Variants in PRAMEF14 observed in about 807,000 individuals in gnomAD.
The protein encoded by PRAMEF14 is PRAME family member 14.
Under a neutral mutation model 38.3 loss-of-function variants are expected in PRAMEF14, and 24 were observed. The observed-to-expected ratio is 0.63, with a 90% CI of 0.45 to 0.88. The LOEUF is 0.88. Ranked by LOEUF, PRAMEF14 falls within the 40% of genes least tolerant of loss-of-function variation. The probability of loss-of-function intolerance (pLI) is 0.00; values close to 1 mark genes in which losing one functional copy is unlikely to be tolerated. For synonymous variants in PRAMEF14, 194 were observed against 226.4 expected, an observed-to-expected ratio of 0.86 and a Z score of 1.29; for missense variants, 477 against 570.8, an observed-to-expected ratio of 0.84 and a Z score of 1.67.
In PRAMEF14 at chr1:13,342,384, T is replaced by G. The variant is rs1174188819; in HGVS notation, c.*144A>C. On this transcript the variant is annotated 3_prime_UTR_variant, in exon 4 of 4. Transcript: ENST00000334600. ...AACACAGAGAAACCCTGTCTCAAAT[T>G]GTCTTTAATAAAAATTTTGGAATTA... 4 of 1,321,760 alleles carry G rather than the reference T, an allele frequency of 3.0e-6. No individual in the cohort carries two copies. Among genetic ancestry groups the G allele is most frequent in the Non-Finnish European group, 4.0e-6 (4 of 994,748 alleles). The allele number at this position is 1,321,760 out of a possible 1,614,324, so 81.9% of individuals were successfully genotyped here. A position where few individuals can be genotyped will look rare whatever the true frequency, so the allele number is the denominator to read the frequency against.
intron 3 of PRAMEF14, 81 bp from the exon 4 acceptor site, chr1:13,343,167 TCAAA>T (rs1640354292): frequency 1.0e-6 from 1 of 987,276 alleles, no homozygotes; most frequent in South Asian, 1.6e-5. Flanking sequence ...AATGCCTGCG[TCAAA>T]CAAACACAAG....
intron 1 of PRAMEF14, among the ~76,000 whole-genome samples, chr1:13,346,241 C>T (rs1349219390): frequency 3.3e-5 from 5 of 151,300 alleles, no homozygotes; most frequent in African/African-American, 9.7e-5. Context: ...GGCGCGGTGG[C>T]TCACTCCTGT....
In PRAMEF14 at chr1:13,343,811, C is replaced by G. The variant is rs1261310133; in HGVS notation, c.866+227G>C. 76 of 1,472,914 alleles carry G rather than the reference C, an allele frequency of 5.2e-5. 3 individuals are homozygous for G. The Admixed American group carries it at 1.1e-3, about 22-fold the overall frequency. The allele number at this position is 1,472,914 out of a possible 1,614,324, so 91.2% of individuals were successfully genotyped here. ...CCACTAACTAGCTTGTACATGATGT[C>G]TCTCTCTAGCTTCTACCCCAGGTGA... On this transcript the variant is annotated intron_variant, in intron 3 of 3. Coordinates refer to ENST00000334600, the MANE Select transcript of PRAMEF14 (RefSeq NM_001024661.2).
rs760260206 is a variant in PRAMEF14 at position 13,342,790 on chromosome 1, C to A, written c.1163G>T (p.Cys388Phe). 1.2e-5 allele frequency: 20 copies of A among 1,604,534 alleles called. 1 individual carries two copies. In the Middle Eastern group the frequency reaches 9.0e-4, roughly 72 times the overall value. Residue 388 changes from cysteine (C) to phenylalanine (F), a missense_variant, in exon 4 of 4, where the codon TGT (cysteine) becomes TTT (phenylalanine). Physicochemically the swap from Cys to Phe is radical, Grantham distance 205. This residue lies in a region of PRAMEF14 where 151 missense variants were observed against 137.4 expected (regional missense o/e 1.10). Coordinates refer to ENST00000334600, the MANE Select transcript of PRAMEF14 (RefSeq NM_001024661.2). ...GTCCTTCAGGGCACCCATAGACATACAATTTCTGCCAAAGTAGAAGGTGGT... is the reference window on the plus strand; with the variant it reads ...GTCCTTCAGGGCACCCATAGACATAAAATTTCTGCCAAAGTAGAAGGTGGT... ...QLTTFYFGRN[C>F]MSMGALKDLL...
intron 1 of PRAMEF14, among the ~76,000 whole-genome samples, chr1:13,346,641 G>A (rs2100355520): frequency 6.7e-6 from 1 of 148,458 alleles, no homozygotes. Flanking sequence ...TAAATCCCAT[G>A]ATCTGAGCAA....
chr1:13,344,705 C>T (rs1197915460), intron 2 of PRAMEF14, 89 bp from the exon 3 acceptor site: 17 of 1,561,078 alleles, frequency 1.1e-5, no homozygotes, highest in Non-Finnish European at 1.5e-5. Context: ...TCAGCTGCTC[C>T]TGTCCTCAGT....
In PRAMEF14 at chr1:13,347,096, G is replaced by C. The variant is rs1211469464; in HGVS notation, c.-65C>G. 6.7e-6 allele frequency: 1 copy of C among 150,142 alleles called. No homozygotes were observed. 9.3% of individuals were successfully genotyped at this position (150,142 alleles called of 1,614,324 possible). ...CTTTGCAGAGTTCTGGGACCTCTCA[G>C]GGAACCAAGCAGTAGCTCCAGGAAT... On this transcript the variant is annotated 5_prime_UTR_variant, in exon 1 of 4. Coordinates refer to ENST00000334600, the MANE Select transcript of PRAMEF14 (RefSeq NM_001024661.2).
In PRAMEF14 at chr1:13,344,111, T is replaced by A. The variant is rs1553125500; in HGVS notation, c.793A>T (p.Arg265Trp). The stretch of plus-strand genomic sequence containing the variant: ...TTAAGCAACTGGAGGTGTTCCAGCC[T>A]GAGGAACACAGAGCTGAATTTGGTG... ...LVTKFSSVFLRLEHLQLLKIK... is the reference protein window; with the variant it reads ...LVTKFSSVFLWLEHLQLLKIK... Residue 265 changes from arginine to tryptophan, a missense_variant, in exon 3 of 4, where the codon AGG becomes TGG. Coordinates refer to ENST00000334600, the MANE Select transcript of PRAMEF14 (RefSeq NM_001024661.2). 3 of 1,600,838 alleles carry A rather than the reference T, an allele frequency of 1.9e-6. No individual in the cohort carries two copies. Among genetic ancestry groups the A allele is most frequent in the Non-Finnish European group, 2.6e-6 (3 of 1,173,602 alleles).
rs1225279438 is a variant in PRAMEF14, at chr1:13,345,376, T to A, written c.-25-37A>T. On this transcript the variant is annotated intron_variant, in intron 1 of 3. Transcript: ENST00000334600. ...ATCCAGGGAAAATGTATCACTCTCATGGCAAACACAATCATCTGCTTCTAC... is the reference window on the plus strand; with the variant it reads ...ATCCAGGGAAAATGTATCACTCTCAAGGCAAACACAATCATCTGCTTCTAC... 171 of 1,568,990 alleles carry A rather than the reference T, an allele frequency of 1.1e-4. 30 individuals are homozygous for A. In the East Asian group the frequency reaches 4.1e-3, roughly 38 times the overall value.
rs1186154609 is a variant in PRAMEF14 at position 13,346,896 on chromosome 1, T to A, written c.-26+161A>T. On this transcript the variant is annotated intron_variant, in intron 1 of 3. Transcript: ENST00000334600. ...TAAGCACAAATCACAATTTGATGGA[T>A]GAAGACAAAACTACATTTAGAGGAA... Among the ~76,000 whole-genome samples, 5 of 150,266 alleles carry A rather than the reference T, an allele frequency of 3.3e-5. 2 individuals carry two copies. In the East Asian group the frequency reaches 1.1e-3, roughly 32 times the overall value.
In PRAMEF14 at chr1:13,345,484, C is replaced by T. The variant is rs1273044900; in HGVS notation, c.-25-145G>A. The T allele has an allele frequency of 4.8e-5, 62 of 1,279,730 alleles. 1 individual carries two copies. The highest frequency in any genetic ancestry group is 6.3e-5 in the Non-Finnish European group (59 of 937,866). The allele number at this position is 1,279,730 out of a possible 1,614,324, so 79.3% of individuals were successfully genotyped here. A position where few individuals can be genotyped will look rare whatever the true frequency, so the allele number is the denominator to read the frequency against. ...GGCTTATTAATTTTCATCCTTCATT[C>T]CACTGAATCCCAGAACCACCGGACA... On this transcript the variant is annotated intron_variant, in intron 1 of 3. Transcript: ENST00000334600.
chr1:13,345,017 G>A lies in PRAMEF14; in HGVS notation c.287+11C>T. 6.8e-7 allele frequency: 1 copy of A among 1,478,920 alleles called. No individual in the cohort carries two copies. The highest frequency in any genetic ancestry group is 9.2e-7 in the Non-Finnish European group (1 of 1,084,022). 91.6% of individuals were successfully genotyped at this position (1,478,920 alleles called of 1,614,324 possible). ...TGAGCCCTATCTACCAGCCCTCCTG[G>A]GTCACCTCACCTGGGGCGATCCTTC... is the stretch of plus-strand genomic sequence containing the variant. On this transcript the variant is annotated intron_variant, in intron 2 of 3. Coordinates refer to ENST00000334600, the MANE Select transcript of PRAMEF14 (RefSeq NM_001024661.2).
chr1:13,341,997 T>C lies in PRAMEF14; in HGVS notation c.*531A>G, dbSNP rs2100348867. 1 of 157,894 alleles carries C rather than the reference T, an allele frequency of 6.3e-6. No homozygotes were observed. The highest frequency in any genetic ancestry group is 1.9e-4 in the East Asian group (1 of 5,146). 9.8% of individuals were successfully genotyped at this position (157,894 alleles called of 1,614,324 possible). A position where few individuals can be genotyped will look rare whatever the true frequency, so the allele number is the denominator to read the frequency against. On this transcript the variant is annotated 3_prime_UTR_variant, in exon 4 of 4. Transcript: ENST00000334600. The stretch of plus-strand genomic sequence containing the variant: ...TTCCATCAGTAACTCAATAACTAGA[T>C]ATTTCTGGTGGATAAATTGCTACAA...
chr1:13,347,118 G>A lies in PRAMEF14; in HGVS notation c.-87C>T, dbSNP rs1640413229. On this transcript the variant is annotated 5_prime_UTR_variant, in exon 1 of 4. Coordinates refer to ENST00000334600, the MANE Select transcript of PRAMEF14 (RefSeq NM_001024661.2). ...TCAGGGAACCAAGCAGTAGCTCCAG[G>A]AATGAGTGCTGTGGGTCTCTTCTGG... The A allele has an allele frequency of 6.7e-6, 1 of 150,066 alleles. No individual in the cohort carries two copies. The highest frequency in any genetic ancestry group is 1.5e-5 in the Non-Finnish European group (1 of 67,546). 9.3% of individuals were successfully genotyped at this position (150,066 alleles called of 1,614,324 possible). A position where few individuals can be genotyped will look rare whatever the true frequency, so the allele number is the denominator to read the frequency against.
In PRAMEF14 at chr1:13,342,223, C is replaced by A. The variant is rs1553125277; in HGVS notation, c.*305G>T. ...CCTGCTGTTATGTTTTTTTCCCTCA[C>A]ACTGAGCACTTCCCTGTGCTTCCTT... On this transcript the variant is annotated 3_prime_UTR_variant, in exon 4 of 4. Coordinates refer to ENST00000334600, the MANE Select transcript of PRAMEF14 (RefSeq NM_001024661.2). 2.6e-4 allele frequency: 119 copies of A among 452,752 alleles called. 1 individual carries two copies. In the East Asian group the frequency reaches 4.7e-3, roughly 18 times the overall value. The allele number at this position is 452,752 out of a possible 1,614,324, so 28.0% of individuals were successfully genotyped here.
In PRAMEF14 at chr1:13,345,366, A is replaced by T. The variant is rs3951381; in HGVS notation, c.-25-27T>A. 8 of 1,594,128 alleles carry T rather than the reference A, an allele frequency of 5.0e-6. 1 individual carries two copies. The highest frequency in any genetic ancestry group is 4.5e-4 in the Middle Eastern group (2 of 4,402). On this transcript the variant is annotated intron_variant, in intron 1 of 3. Transcript: ENST00000334600. ...TAGAAGACAAATCCAGGGAAAATGTATCACTCTCATGGCAAACACAATCAT... is the reference window on the plus strand; with the variant it reads ...TAGAAGACAAATCCAGGGAAAATGTTTCACTCTCATGGCAAACACAATCAT...
rs1311265192 is a variant in PRAMEF14 at position 13,342,523 on chromosome 1, C to G, written c.*5G>C. On this transcript the variant is annotated 3_prime_UTR_variant, in exon 4 of 4. Transcript: ENST00000334600. ...GATTTCTCTACCCCGCTAGGCACGC[C>G]TTCCCTAGCAGCAAAGATGGAGCTC... 9.3e-6 allele frequency: 15 copies of G among 1,604,956 alleles called. 2 individuals carry two copies. The South Asian group carries it at 1.7e-4, about 18-fold the overall frequency.
At chr1:13,343,123 C>T in intron 3 of PRAMEF14, 37 bp from the exon 4 acceptor site, 1 of 1,598,182 alleles carries the variant, frequency 6.3e-7, no homozygotes, top group South Asian at 1.1e-5. Flanking sequence ...GGCAATGGTA[C>T]CAGTTAGATG....
chr1:13,346,129 C>T (rs1430488475), intron 1 of PRAMEF14, among the ~76,000 whole-genome samples: 12 of 150,716 alleles, frequency 8.0e-5, no homozygotes, highest in African/African-American at 2.7e-4. Flanking sequence ...ACTCAGAGTA[C>T]ATCGCAGAAA....
Sources: allele counts gnomAD v4.1 joint callset (sites outside exome capture counted in the v4.1 genomes callset), GRCh38; gene constraint gnomAD v4.1.1; regional missense constraint gnomAD v4.1.1; transcripts MANE v1.5; gene names NCBI Gene and HGNC (gene_info 2026-07-23, HGNC 2026-07-21).